The following CATSPERE variants were observed in gnomAD, a reference collection of about 807,000 sequenced individuals.
CATSPERE encodes cation channel sperm-associated auxiliary subunit epsilon.
Under a neutral mutation model 114.1 loss-of-function variants are expected in CATSPERE, and 93 were observed. The observed-to-expected ratio is 0.81, with a 90% confidence interval of 0.69 to 0.97. The LOEUF (loss-of-function observed/expected upper bound fraction) is 0.97. CATSPERE is among the 50% of genes least tolerant of loss of function. The pLI is 0.00. For synonymous variants in CATSPERE, 341 were observed against 384.1 expected (o/e 0.89, Z 1.31); for missense variants, 1,058 against 1,131.6 (o/e 0.93, Z 0.93).
Position 244,573,449 on chromosome 1 carries a change from A to G in CATSPERE, c.1950+677A>G, listed in dbSNP as rs971044405. On this transcript the variant is annotated intron_variant, in intron 11 of 21. Transcript: ENST00000366534. This position sits in a 1 kb window ranked among gnomAD's most constrained non-coding sequence, Gnocchi z 4.0. ...AAACAAAACAAAACAAAACAAAAAAACCAATTCTATCCGTCAATAGTTTGG... is the reference window on the plus strand; with the variant it reads ...AAACAAAACAAAACAAAACAAAAAAGCCAATTCTATCCGTCAATAGTTTGG... 6.6e-6 allele frequency among the ~76,000 whole-genome samples: 1 copy of G among 152,016 alleles called. No homozygotes were observed. Among genetic ancestry groups the G allele is most frequent in the Non-Finnish European group, 1.5e-5 (1 of 67,968 alleles).
intron 5 of CATSPERE, among the ~76,000 whole-genome samples, chr1:244,486,646 G>A (rs1408253470): frequency 2.6e-5 from 3 of 113,662 alleles, no homozygotes; most frequent in Admixed American, 8.7e-5. Flanking sequence ...GTAGTCACCT[G>A]GTGGGTGGTC....
intron 9 of CATSPERE, among the ~76,000 whole-genome samples, chr1:244,553,650 T>TACACACACACACACACACACACACACAC (rs1353111776): frequency 1.7e-5 from 2 of 116,984 alleles, no homozygotes; most frequent in African/African-American, 6.1e-5. Flanking sequence ...CACACATACA[T>TACACACACACACACACACACACACACAC]ATATATATAG....
At chr1:244,494,919 A>G (rs1672859195) in intron 6 of CATSPERE, among the ~76,000 whole-genome samples, 1 of 152,224 alleles carries the variant, frequency 6.6e-6, no homozygotes, top group African/African-American at 2.4e-5. Context: ...TACAACTATA[A>G]CAATGCTCAA....
At chr1:244,604,846 A>T (rs1325859392) in intron 17 of CATSPERE, among the ~76,000 whole-genome samples, 2 of 152,202 alleles carry the variant, frequency 1.3e-5, no homozygotes, top group East Asian at 3.9e-4. Flanking sequence ...ATTAATATGA[A>T]GCACTACAGC....
At chr1:244,632,263 G>A (rs192267903) in intron 20 of CATSPERE, among the ~76,000 whole-genome samples, 1 of 151,878 alleles carries the variant, frequency 6.6e-6, no homozygotes, top group African/African-American at 2.4e-5. Flanking sequence ...GCATGGTGGT[G>A]TGCGCCTTTA....
intron 5 of CATSPERE, among the ~76,000 whole-genome samples, chr1:244,485,180 CT>C (rs113615938): frequency 0.41 from 61,898 of 150,032 alleles, 13,189 homozygotes; most frequent in East Asian, 0.72. Flanking sequence ...TTTTCTTTTT[CT>C]TTTTTTTTCT....
chr1:244,614,560 C>T (rs555927511), intron 19 of CATSPERE, among the ~76,000 whole-genome samples: 9 of 152,302 alleles, frequency 5.9e-5, no homozygotes, highest in Middle Eastern at 3.4e-3. Context: ...CCGAGTCGAG[C>T]GGGAACACAT....
intron 20 of CATSPERE, among the ~76,000 whole-genome samples, chr1:244,619,302 G>A (rs1299936358): frequency 6.6e-6 from 1 of 152,098 alleles, no homozygotes; most frequent in Non-Finnish European, 1.5e-5. Context: ...GGGGTGATGA[G>A]GAAGGGCCAG....
chr1:244,640,163 G>A lies in CATSPERE; in HGVS notation c.*82G>A. 1 of 1,138,852 alleles carries A rather than the reference G, an allele frequency of 8.8e-7. No homozygotes were observed. Among genetic ancestry groups the A allele is most frequent in the East Asian group, 2.7e-5 (1 of 37,206 alleles). 70.5% of individuals were successfully genotyped at this position (1,138,852 alleles called of 1,614,324 possible). A position where few individuals can be genotyped will look rare whatever the true frequency, so the allele number is the denominator to read the frequency against. The stretch of plus-strand genomic sequence containing the variant: ...ATAGTGATATTGAGAGTGTGTGTTT[G>A]ACCAAGAAATACTAAATATAAGCTC... On this transcript the variant is annotated 3_prime_UTR_variant, in exon 22 of 22. Transcript: ENST00000366534.
chr1:244,520,325 A>G (rs1572530364), intron 8 of CATSPERE, among the ~76,000 whole-genome samples: 1 of 118,778 alleles, frequency 8.4e-6, no homozygotes, highest in African/African-American at 4.6e-5. Context: ...ATTTTGTGGT[A>G]GGGGTCCAAA....
intron 9 of CATSPERE, among the ~76,000 whole-genome samples, chr1:244,553,568 G>A (rs1470896583): frequency 2.7e-4 from 32 of 119,594 alleles, no homozygotes; most frequent in African/African-American, 6.1e-4. Flanking sequence ...GCGACAGAGC[G>A]AGACCCCGTC....
chr1:244,481,098 G>A lies in CATSPERE; in HGVS notation c.326+1314G>A, dbSNP rs12078809. ...GAAGTTACTGTGTCAAGGTTACGGT[G>A]AGCTATAATTACACCACTGTACTCT... On this transcript the variant is annotated intron_variant, in intron 5 of 21. Coordinates refer to ENST00000366534, the MANE Select transcript of CATSPERE (RefSeq NM_001130957.2). Among the ~76,000 whole-genome samples, 353 of 152,172 alleles carry A rather than the reference G, an allele frequency of 2.3e-3. 2 individuals carry two copies. The highest frequency in any genetic ancestry group is 8.0e-3 in the African/African-American group (333 of 41,534).
chr1:244,563,771 A>G (rs184124594), intron 10 of CATSPERE, among the ~76,000 whole-genome samples: 2 of 152,128 alleles, frequency 1.3e-5, no homozygotes, highest in Admixed American at 1.3e-4. Flanking sequence ...ATTAGATCCC[A>G]TTTGTCGATT....
rs1163852781 is a variant in CATSPERE, at chr1:244,575,332, C to T, written c.1950+2560C>T. ...CCTCTGCTCTCCTCCTGGCACCAGT[C>T]CTTGACCTCTTCTTCCACGCAGAGC... On this transcript the variant is annotated intron_variant, in intron 11 of 21. Transcript: ENST00000366534. This position sits in a 1 kb window ranked among gnomAD's most constrained non-coding sequence, Gnocchi z 4.5. Among the ~76,000 whole-genome samples, 7 of 152,218 alleles carry T rather than the reference C, an allele frequency of 4.6e-5. No individual in the cohort carries two copies. The highest frequency in any genetic ancestry group is 3.3e-4 in the Admixed American group (5 of 15,286).
chr1:244,453,940 C>T (rs1665881373), upstream of CATSPERE, among the ~76,000 whole-genome samples: 1 of 152,156 alleles, frequency 6.6e-6, no homozygotes, highest in Non-Finnish European at 1.5e-5. Flanking sequence ...TGGGAGACTT[C>T]TCCTGAATCA....
intron 11 of CATSPERE, among the ~76,000 whole-genome samples, chr1:244,577,618 G>A (rs545204457): frequency 6.6e-6 from 1 of 152,238 alleles, no homozygotes; most frequent in South Asian, 2.1e-4. Flanking sequence ...TGGCAGAAGG[G>A]GCAAGGCCAC....
chr1:244,591,810 G>GATT, intron 15 of CATSPERE, 79 bp downstream of exon 15: 1 of 868,746 alleles, frequency 1.2e-6, no homozygotes. Flanking sequence ...TTATTCAGTG[G>GATT]ATTATTATTA....
intron 17 of CATSPERE, among the ~76,000 whole-genome samples, chr1:244,602,501 C>T (rs998537128): frequency 3.9e-5 from 6 of 152,140 alleles, no homozygotes; most frequent in African/African-American, 1.4e-4. Flanking sequence ...AGGTACAAGG[C>T]TCGGCAGAGT....
chr1:244,621,303 A>ATC, intron 20 of CATSPERE, among the ~76,000 whole-genome samples: 3 of 123,542 alleles, frequency 2.4e-5, no homozygotes, highest in African/African-American at 3.4e-5. Context: ...ATATAAATAT[A>ATC]TAAATATATA....
Sources: gnomAD v4.1 joint callset for allele counts (sites outside exome capture counted in the v4.1 genomes callset) on GRCh38, gnomAD v4.1.1 for gene constraint, Gnocchi (gnomAD v3.1) non-coding constraint, MANE v1.5 for transcripts, NCBI Gene and HGNC (gene_info 2026-07-23, HGNC 2026-07-21) for gene names.